The following CDH8 variants were observed in gnomAD, a reference collection of about 807,000 sequenced individuals.
CDH8 encodes the protein cadherin 8.
Under a neutral mutation model 68.1 loss-of-function variants are expected in CDH8, and 17 were observed. That is an observed-to-expected ratio of 0.25 (90% CI 0.17 to 0.37). The LOEUF is 0.37. CDH8 is among the 10% of genes least tolerant of loss of function. CDH8 has a pLI of 1.00. For synonymous variants in CDH8, 372 were observed against 365.1 expected, an observed-to-expected ratio of 1.02 and a Z score of -0.21; for missense variants, 763 against 999.3, an observed-to-expected ratio of 0.76 and a Z score of 3.19.
At chr16:61,906,277 G>GA (rs1964060566) in intron 2 of CDH8, among the ~76,000 whole-genome samples, 1 of 152,084 alleles carries the variant, frequency 6.6e-6, no homozygotes, top group Admixed American at 6.6e-5. Flanking sequence ...GGGAGGTCAG[G>GA]AAAAAAACAT....
chr16:62,028,275 C>T (rs1370149771), intron 1 of CDH8, among the ~76,000 whole-genome samples: 1 of 151,794 alleles, frequency 6.6e-6, no homozygotes, highest in Non-Finnish European at 1.5e-5. Context: ...ACCATGCTGG[C>T]CAGGCTGGTC....
At chr16:62,009,333 A>G (rs1567566867) in intron 2 of CDH8, among the ~76,000 whole-genome samples, 1 of 152,162 alleles carries the variant, frequency 6.6e-6, no homozygotes, top group African/African-American at 2.4e-5. Context: ...GTACATATCT[A>G]TTTGGAAAAA....
intron 8 of CDH8, among the ~76,000 whole-genome samples, chr16:61,783,027 C>G (rs374282006): frequency 6.7e-6 from 1 of 148,332 alleles, no homozygotes; most frequent in East Asian, 2.0e-4. Context: ...AAACGCAGAG[C>G]GCCTCTCCTC....
intron 2 of CDH8, among the ~76,000 whole-genome samples, chr16:61,926,152 G>GGTGTGTGTGTGTGT (rs61028306): frequency 3.1e-4 from 44 of 142,118 alleles, no homozygotes; most frequent in African/African-American, 1.1e-3. Flanking sequence ...ACTCAGAAGG[G>GGTGTGTGTGTGTGT]GTGTGTGTGT....
chr16:61,961,870 G>A (rs1013367622), intron 2 of CDH8, among the ~76,000 whole-genome samples: 1 of 152,146 alleles, frequency 6.6e-6, no homozygotes. Flanking sequence ...AGGATTAGGG[G>A]TCCGAAGCCC....
At chr16:61,882,843 C>T (rs1027047835) in intron 3 of CDH8, among the ~76,000 whole-genome samples, 1 of 152,152 alleles carries the variant, frequency 6.6e-6, no homozygotes, top group Non-Finnish European at 1.5e-5. Context: ...ACCTATGTAA[C>T]AAACCTGCAC....
chr16:61,796,850 A>T (rs1961513176), intron 7 of CDH8, among the ~76,000 whole-genome samples: 1 of 152,116 alleles, frequency 6.6e-6, no homozygotes, highest in South Asian at 2.1e-4. Context: ...AGTTCATTCA[A>T]TTCAGAGTAG....
chr16:61,743,008 G>A (rs528927500), intron 8 of CDH8: 10 of 151,892 alleles, frequency 6.6e-5, no homozygotes, highest in South Asian at 2.1e-4. Flanking sequence ...TTTTAAACTC[G>A]CCTCTATCAC....
rs192865163 is a variant in CDH8 at position 61,778,730 on chromosome 16, A to G, written c.1414+10616T>C. Among the ~76,000 whole-genome samples, 66 of 152,280 alleles carry G rather than the reference A, an allele frequency of 4.3e-4. No homozygotes were observed. In the Middle Eastern group the frequency reaches 0.02, roughly 47 times the overall value. On this transcript the variant is annotated intron_variant, in intron 8 of 11. Coordinates refer to ENST00000577390, the MANE Select transcript of CDH8 (RefSeq NM_001796.5). ...ATCATTTCCGTTCACAGACGAGGAA[A>G]CTGAGAGTAAAAGAGAAATAATGTA...
rs57232370 is a variant in CDH8, at chr16:61,917,062, AGTGTGTGTGTGT to A, written c.253-15601_253-15590del. Among the ~76,000 whole-genome samples, 1,086 of 137,370 alleles carry A rather than the reference AGTGTGTGTGTGT, an allele frequency of 7.9e-3. 10 individuals carry two copies. Among genetic ancestry groups the A allele is most frequent in the Non-Finnish European group, 0.011 (730 of 63,506 alleles). 90.1% of individuals were successfully genotyped at this position (137,370 alleles called of 152,430 possible). ...GCATTGCACAAATTATTTACCTATT[AGTGTGTGTGTGT>A]GTGTGTGTGTGTGTGTGTGTGTGTG... On this transcript the variant is annotated intron_variant, in intron 2 of 11. Coordinates refer to ENST00000577390, the MANE Select transcript of CDH8 (RefSeq NM_001796.5).
chr16:61,665,708 T>C (rs1181863806), intron 10 of CDH8, among the ~76,000 whole-genome samples: 2 of 151,958 alleles, frequency 1.3e-5, no homozygotes, highest in African/African-American at 2.4e-5. Context: ...TCTGGATAAC[T>C]CTTCACTTTT....
chr16:61,656,720 G>T (rs938659370), intron 10 of CDH8, among the ~76,000 whole-genome samples: 1 of 152,134 alleles, frequency 6.6e-6, no homozygotes, highest in African/African-American at 2.4e-5. Flanking sequence ...GATATATACT[G>T]GTTGTCTGGA....
intron 4 of CDH8, among the ~76,000 whole-genome samples, chr16:61,856,743 C>T (rs1567502361): frequency 6.6e-6 from 1 of 152,092 alleles, no homozygotes; most frequent in Non-Finnish European, 1.5e-5. Context: ...ACGTTCCATA[C>T]CCATTTTACA....
At chr16:61,922,182 A>G (rs1964380619) in intron 2 of CDH8, among the ~76,000 whole-genome samples, 1 of 152,228 alleles carries the variant, frequency 6.6e-6, no homozygotes, top group African/African-American at 2.4e-5. Context: ...TTTCCTAATC[A>G]TAGGACAGAA....
At chr16:61,997,552 A>T (rs920584121) in intron 2 of CDH8, among the ~76,000 whole-genome samples, 1 of 152,206 alleles carries the variant, frequency 6.6e-6, no homozygotes, top group African/African-American at 2.4e-5. Context: ...CTATTGGATG[A>T]AAGTCTAATG....
intron 9 of CDH8, among the ~76,000 whole-genome samples, chr16:61,720,761 A>G (rs1959210984): frequency 6.6e-6 from 1 of 150,888 alleles, no homozygotes; most frequent in Non-Finnish European, 1.5e-5. Context: ...AGTTATTCCA[A>G]TATTAGAGCA....
At chr16:61,725,752 T>C (rs1959342798) in intron 9 of CDH8, 1 of 150,786 alleles carries the variant, frequency 6.6e-6, no homozygotes, top group African/African-American at 2.4e-5. Flanking sequence ...ATGATAAAAT[T>C]AGGAAACATT....
chr16:61,905,403 T>C (rs1351010093), intron 2 of CDH8, among the ~76,000 whole-genome samples: 2 of 152,068 alleles, frequency 1.3e-5, no homozygotes, highest in East Asian at 3.8e-4. Context: ...ATTAATATTT[T>C]AGTAAACTAC....
At chr16:61,882,305 G>A (rs776514036) in intron 3 of CDH8, among the ~76,000 whole-genome samples, 10 of 152,144 alleles carry the variant, frequency 6.6e-5, no homozygotes, top group Non-Finnish European at 1.2e-4. Flanking sequence ...CTGCTTGCTC[G>A]TTTGAATATC....
Sources: allele counts gnomAD v4.1 joint callset (sites outside exome capture counted in the v4.1 genomes callset), GRCh38; gene constraint gnomAD v4.1.1; transcripts MANE v1.5; gene names NCBI Gene and HGNC (gene_info 2026-07-23, HGNC 2026-07-21).